Variants in CEP112 observed in about 807,000 individuals in gnomAD.
CEP112 encodes centrosomal protein 112, also known as centrosomal protein of 112 kDa.
A neutral mutation model predicts 153.0 loss-of-function variants in CEP112; 127 were observed. That is an observed-to-expected ratio of 0.83 (90% CI 0.72 to 0.96). CEP112 has a LOEUF of 0.96. Among genes scored for constraint, CEP112 ranks in the 40% least tolerant of loss-of-function variants. The pLI, the probability that CEP112 is intolerant of heterozygous loss-of-function variation, is 0.00. For missense variants in CEP112, 1,089 were observed against 1,101.2 expected (o/e 0.99, Z 0.16); for synonymous variants, 358 against 374.4 (o/e 0.96, Z 0.51).
chr17:66,035,540 A>G (rs2873907), intron 12 of CEP112, among the ~76,000 whole-genome samples: 140,899 of 152,140 alleles, frequency 0.93, 65,482 homozygotes, highest in East Asian at 0.97. Context: ...GTATGGAGGC[A>G]CCTCAAAAAT....
intron 19 of CEP112, among the ~76,000 whole-genome samples, chr17:65,914,549 T>C (rs1032520603): frequency 2.2e-4 from 33 of 152,152 alleles, no homozygotes; most frequent in African/African-American, 7.2e-4. Context: ...CTGGTCCACC[T>C]GCAAAGACCC....
intron 21 of CEP112, among the ~76,000 whole-genome samples, chr17:65,768,429 T>C: frequency 6.6e-6 from 1 of 152,032 alleles, no homozygotes; most frequent in East Asian, 1.9e-4. Flanking sequence ...CAAACCTGTG[T>C]CGTTCAAGGG....
At chr17:66,136,727 G>A (rs1405665553) in intron 4 of CEP112, among the ~76,000 whole-genome samples, 1 of 152,076 alleles carries the variant, frequency 6.6e-6, no homozygotes, top group Non-Finnish European at 1.5e-5. Flanking sequence ...GAAGGCCCAT[G>A]GTACAAGACA....
chr17:66,129,849 G>A (rs770115585), intron 5 of CEP112, 26 bp from the exon 6 acceptor site: 1 of 1,450,230 alleles, frequency 6.9e-7, no homozygotes, highest in Non-Finnish European at 9.7e-7. Context: ...GAAAAAGGAA[G>A]AGGAGAGGAA....
At chr17:66,076,097 C>T (rs1416989683) in intron 8 of CEP112, among the ~76,000 whole-genome samples, 1 of 152,172 alleles carries the variant, frequency 6.6e-6, no homozygotes, top group Non-Finnish European at 1.5e-5. Flanking sequence ...CCTGGTACCA[C>T]AGGGACCTTT....
chr17:66,058,580 G>A (rs2066798172), intron 11 of CEP112, among the ~76,000 whole-genome samples: 1 of 152,262 alleles, frequency 6.6e-6, no homozygotes, highest in East Asian at 1.9e-4. Context: ...CAGGCATGGT[G>A]CCTGACTCCT....
At chr17:66,124,468 A>T (rs1418777886) in intron 6 of CEP112, among the ~76,000 whole-genome samples, 3 of 152,152 alleles carry the variant, frequency 2.0e-5, no homozygotes, top group Non-Finnish European at 1.5e-5. Context: ...GGTTTCTTTT[A>T]TCTGTTGATC....
At chr17:65,742,949 T>C in intron 23 of CEP112, 119 bp downstream of exon 23, 4 of 714,958 alleles carry the variant, frequency 5.6e-6, no homozygotes, top group East Asian at 2.8e-5. Flanking sequence ...ATGGAATTAC[T>C]GCAGGCTGTG....
chr17:66,132,201 A>AAAAAAAAAAAAAC (rs2070212915), intron 5 of CEP112, among the ~76,000 whole-genome samples: 1 of 141,322 alleles, frequency 7.1e-6, no homozygotes, highest in African/African-American at 2.6e-5. Flanking sequence ...AAAAAAAAAA[A>AAAAAAAAAAAAAC]AAAGCTAACT....
At position 66,176,914 on chromosome 17, in the gene CEP112, C is replaced by T. The variant is rs2072501580; in HGVS notation, c.213G>A (p.Leu71=). 2 of 1,613,884 alleles carry T rather than the reference C, an allele frequency of 1.2e-6. No individual in the cohort carries two copies. The highest frequency in any genetic ancestry group is 3.3e-4 in the Middle Eastern group (2 of 6,060). Residue 71 remains leucine (L), a synonymous_variant, in exon 3 of 27, where the codon TTG becomes TTA. Coordinates refer to ENST00000535342, the MANE Select transcript of CEP112 (RefSeq NM_001199165.4). The part of the protein sequence containing the change: ...KNRNLYAKLL[L]HMLKRGALEG... The stretch of plus-strand genomic sequence containing the variant: ...CAAGCGCACCTCGTTTAAGCATATG[C>T]AATAACAATTTTGCATACAGGTTCC...
chr17:66,055,890 T>C (rs533729504), intron 11 of CEP112, among the ~76,000 whole-genome samples: 3 of 152,202 alleles, frequency 2.0e-5, no homozygotes, highest in Non-Finnish European at 2.9e-5. Flanking sequence ...TAAAATGTAT[T>C]CATTCAACAA....
intron 8 of CEP112, among the ~76,000 whole-genome samples, chr17:66,094,402 G>A (rs1490707346): frequency 5.9e-5 from 9 of 152,164 alleles, no homozygotes; most frequent in South Asian, 4.2e-4. Flanking sequence ...CACACAATGG[G>A]GAAAGACAGT....
intron 19 of CEP112, among the ~76,000 whole-genome samples, chr17:65,904,128 AG>A (rs1203850789): frequency 8.5e-5 from 13 of 152,332 alleles, no homozygotes; most frequent in South Asian, 4.1e-4. Flanking sequence ...AAACAAATAA[AG>A]GGTATTCAAA....
At chr17:66,142,496 G>GCATTTTCATACAGTTTCAGA (rs1191314108) in intron 4 of CEP112, among the ~76,000 whole-genome samples, 4 of 152,114 alleles carry the variant, frequency 2.6e-5, no homozygotes, top group Non-Finnish European at 5.9e-5. Flanking sequence ...TTATGTTTAA[G>GCATTTTCATACAGTTTCAGA]TCTTTAACGC....
intron 21 of CEP112, among the ~76,000 whole-genome samples, chr17:65,793,438 C>T (rs1373785769): frequency 6.6e-6 from 1 of 152,028 alleles, no homozygotes; most frequent in Non-Finnish European, 1.5e-5. Context: ...ACTACCATGG[C>T]ACATGTTTAC....
At chr17:66,177,520 G>A (rs142079441) in intron 2 of CEP112, among the ~76,000 whole-genome samples, 5,183 of 152,156 alleles carry the variant, frequency 0.034, 129 homozygotes, top group Middle Eastern at 0.061. Context: ...TATAATAGTC[G>A]CATCAGGATA....
rs78606527 is a variant in CEP112 at position 65,878,630 on chromosome 17, G to C, written c.2163+23522C>G. ...GAACATGCTGTGAAAGCCGGAACTA[G>C]TGGGGAGGCTTCAGCAGATCTAGGA... is the stretch of plus-strand genomic sequence containing the variant. On this transcript the variant is annotated intron_variant, in intron 20 of 26. Transcript: ENST00000535342. 1.1e-3 allele frequency among the ~76,000 whole-genome samples: 167 copies of C among 152,242 alleles called. 1 individual carries two copies. The highest frequency in any genetic ancestry group is 4.0e-3 in the African/African-American group (165 of 41,538).
chr17:66,033,380 C>A (rs921667006), intron 12 of CEP112, among the ~76,000 whole-genome samples: 4 of 152,144 alleles, frequency 2.6e-5, no homozygotes. Flanking sequence ...AAGCATTAAT[C>A]AGACCTGTCA....
At chr17:65,886,698 C>A (rs1380912846) in intron 20 of CEP112, among the ~76,000 whole-genome samples, 1 of 152,188 alleles carries the variant, frequency 6.6e-6, no homozygotes, top group African/African-American at 2.4e-5. Flanking sequence ...CAATTCACTA[C>A]AGTTTCATTC....
Sources: allele counts gnomAD v4.1 joint callset (sites outside exome capture counted in the v4.1 genomes callset), GRCh38; gene constraint gnomAD v4.1.1; transcripts MANE v1.5; gene names NCBI Gene and HGNC (gene_info 2026-07-23, HGNC 2026-07-21).